HJURP: variants seen among roughly 807,000 people sequenced by gnomAD.
HJURP encodes 14-3-3-associated AKT substrate.
A neutral mutation model predicts 72.0 loss-of-function variants in HJURP; 49 were observed. The observed-to-expected ratio is 0.68, with a 90% CI of 0.54 to 0.86. The LOEUF (loss-of-function observed/expected upper bound fraction) is 0.86, where lower values mean the gene tolerates loss of function less well. HJURP is among the 40% of genes least tolerant of loss of function. The pLI is 0.00. For synonymous variants in HJURP, 357 were observed against 347.1 expected (o/e 1.03, Z -0.32); for missense variants, 908 against 936.3 (o/e 0.97, Z 0.39).
intron 6 of HJURP, among the ~76,000 whole-genome samples, chr2:233,844,773 G>A (rs988394270): frequency 2.0e-5 from 3 of 151,032 alleles, no homozygotes; most frequent in Non-Finnish European, 3.0e-5. Context: ...CAGGCTTTCC[G>A]CTGGTCAGCA....
chr2:233,853,477 G>A (rs1263454739), intron 2 of HJURP, among the ~76,000 whole-genome samples: 1 of 152,144 alleles, frequency 6.6e-6, no homozygotes, highest in African/African-American at 2.4e-5. Context: ...AGTTTCATAG[G>A]GATTGTACGT....
rs764690250 is a variant in HJURP at position 233,840,725 on chromosome 2, T to C, written c.2055A>G (p.Leu685=). 2 of 1,614,088 alleles carry C rather than the reference T, an allele frequency of 1.2e-6. No individual in the cohort carries two copies. Among genetic ancestry groups the C allele is most frequent in the Middle Eastern group, 1.6e-4 (1 of 6,062 alleles). The stretch of plus-strand genomic sequence containing the variant: ...GGCGTCCGGAGCCCTGGGGTTCTGA[T>C]AGCCTGGGTCTTTTTGCAGGGAACT... ...DHQFPAKRPR[L]SEPQGSGRQG... is the part of the protein sequence containing the mutation. Residue 685 remains leucine, a synonymous_variant, in exon 8 of 9, where the codon CTA becomes CTG. Transcript: ENST00000411486.
At position 233,854,301 on chromosome 2, in the gene HJURP, C is replaced by A. The variant is rs960806136; in HGVS notation, c.117+83G>T. 5 of 947,278 alleles carry A rather than the reference C, an allele frequency of 5.3e-6. No homozygotes were observed. The African/African-American group carries it at 6.5e-5, about 12-fold the overall frequency. 58.7% of individuals were successfully genotyped at this position (947,278 alleles called of 1,614,324 possible). A position where few individuals can be genotyped will look rare whatever the true frequency, so the allele number is the denominator to read the frequency against. On this transcript the variant is annotated intron_variant, in intron 1 of 8. Transcript: ENST00000411486. ...ACCCCCGCTCCGAGTCCTCAGAGCC[C>A]CTTCCCTTCCCGTCCTACGTCCCCT...
chr2:233,854,092 A>T (rs917433), intron 1 of HJURP, among the ~76,000 whole-genome samples, 182 bp from the exon 2 acceptor site: 60,765 of 151,236 alleles, frequency 0.4, 14,187 homozygotes, highest in Middle Eastern at 0.52. Flanking sequence ...CCCCAGCCCC[A>T]CCAAACCCTC....
rs1296412651 is a variant in HJURP, at chr2:233,837,399, A to G, written c.*178T>C. The G allele has an allele frequency of 3.6e-6, 2 of 559,344 alleles. No homozygotes were observed. The highest frequency in any genetic ancestry group is 2.0e-5 in the African/African-American group (1 of 51,132). The allele number at this position is 559,344 out of a possible 1,614,324, so 34.6% of individuals were successfully genotyped here. On this transcript the variant is annotated 3_prime_UTR_variant, in exon 9 of 9. Coordinates refer to ENST00000411486, the MANE Select transcript of HJURP (RefSeq NM_018410.5). Reference sequence around the variant, plus strand: ...CTAAAAATTCTAATTGAGCAACTTTATTCACATAATTTCTACACCAAGAAC... The same window carrying G: ...CTAAAAATTCTAATTGAGCAACTTTGTTCACATAATTTCTACACCAAGAAC...
chr2:233,845,823 G>A lies in HJURP; in HGVS notation c.403-3C>T, dbSNP rs1372242662. 2 of 1,600,950 alleles carry A rather than the reference G, an allele frequency of 1.2e-6. No individual in the cohort carries two copies. Among genetic ancestry groups the A allele is most frequent in the Admixed American group, 1.7e-5 (1 of 58,078 alleles). ...AAAGGGCTTTGAGGCACTGCAGGCT[G>A]ATCAAAAAAGAGAAGTCAGAATTTT... is the stretch of plus-strand genomic sequence containing the variant. On this transcript the variant is annotated splice_region_variant and splice_polypyrimidine_tract_variant and intron_variant, in intron 5 of 8. Transcript: ENST00000411486.
intron 1 of HJURP, 73 bp from the exon 2 acceptor site, chr2:233,853,983 C>A: frequency 7.1e-7 from 1 of 1,403,368 alleles, no homozygotes; most frequent in South Asian, 1.2e-5. Flanking sequence ...GGAGGCGGCG[C>A]CAGCCCGTGA....
In HJURP at chr2:233,850,725, G is replaced by T. The variant is rs536128588; in HGVS notation, c.241-866C>A. On this transcript the variant is annotated intron_variant, in intron 3 of 8. Transcript: ENST00000411486. ...CCTTTGCTTCCAGTGAAACCGTCACGTAAGGTGGAGTTTACAGGGTTGTTT... is the reference window on the plus strand; with the variant it reads ...CCTTTGCTTCCAGTGAAACCGTCACTTAAGGTGGAGTTTACAGGGTTGTTT... 7.2e-5 allele frequency among the ~76,000 whole-genome samples: 11 copies of T among 152,282 alleles called. No individual in the cohort carries two copies. In the South Asian group the frequency reaches 2.3e-3, roughly 32 times the overall value.
Position 233,852,553 on chromosome 2 carries a change from G to A in HJURP, c.240+12C>T, listed in dbSNP as rs1463814052. On this transcript the variant is annotated intron_variant, in intron 3 of 8. Coordinates refer to ENST00000411486, the MANE Select transcript of HJURP (RefSeq NM_018410.5). ...GCAAGGTTATTTGGCAATAAAATTT[G>A]ACACTAAATACCTGGATCTCTCCTT... 1 of 1,574,930 alleles carries A rather than the reference G, an allele frequency of 6.3e-7. No individual in the cohort carries two copies.
In HJURP at chr2:233,837,184, G is replaced by C. The variant is rs966544890; in HGVS notation, c.*393C>G. The C allele has an allele frequency of 4.7e-6, 1 of 213,192 alleles. No individual in the cohort carries two copies. Among genetic ancestry groups the C allele is most frequent in the African/African-American group, 2.4e-5 (1 of 41,898 alleles). 13.2% of individuals were successfully genotyped at this position (213,192 alleles called of 1,614,324 possible). ...GCCTGTAATCCCAGCTACTCGGGAG[G>C]CTGAGGCAGAAGAATCGCTTGAACC... is the stretch of plus-strand genomic sequence containing the variant. On this transcript the variant is annotated 3_prime_UTR_variant, in exon 9 of 9. Transcript: ENST00000411486.
At chr2:233,854,042 G>A in intron 1 of HJURP, 132 bp from the exon 2 acceptor site, 2 of 733,064 alleles carry the variant, frequency 2.7e-6, no homozygotes, top group Non-Finnish European at 4.6e-6. Context: ...CTCTGCAGCG[G>A]AGCCCCCAAC....
intron 8 of HJURP, among the ~76,000 whole-genome samples, chr2:233,839,425 G>A (rs1490016675): frequency 6.6e-6 from 1 of 152,250 alleles, no homozygotes; most frequent in East Asian, 1.9e-4. Flanking sequence ...GGAAGGGAAG[G>A]GCTGTCCTAC....
rs201695162 is a variant in HJURP, at chr2:233,842,134, C to T, written c.646G>A (p.Asp216Asn). The change falls in exon 8 of 9, where the codon GAT becomes AAT. Residue 216 changes from aspartate to asparagine, a missense_variant. Coordinates refer to ENST00000411486, the MANE Select transcript of HJURP (RefSeq NM_018410.5). ...AKPASSPREW[D>N]PLHPSSTDMA... ...TCTGTGGAGGAAGGATGCAAAGGAT[C>T]CCATTCTCTGGGAGATGAAGCTGGT... is the stretch of plus-strand genomic sequence containing the variant. 2 of 1,614,024 alleles carry T rather than the reference C, an allele frequency of 1.2e-6. No individual in the cohort carries two copies. The highest frequency in any genetic ancestry group is 4.5e-5 in the East Asian group (2 of 44,890).
At position 233,854,491 on chromosome 2, in the gene HJURP, T is replaced by C. The variant is rs2302154; in HGVS notation, c.10A>G (p.Thr4Ala). The change falls in exon 1 of 9, where the codon ACG (threonine) becomes GCG (alanine). Residue 4 changes from threonine (T) to alanine (A), a missense_variant. Thr to Ala is a moderately conservative substitution (Grantham distance 58). Transcript: ENST00000411486. The stretch of plus-strand genomic sequence containing the variant: ...TCCTCGCCCTCCATGGCGCGCAGCG[T>C]ACCCAGCATCGGACCCAGCCAGTAC... MLG[T>A]LRAMEGEDVE... 95,507 of 1,610,680 alleles carry C rather than the reference T, an allele frequency of 0.059. 3,044 individuals carry two copies. The highest frequency in any genetic ancestry group is 0.064 in the East Asian group (2,843 of 44,588).
chr2:233,852,523 C>T (rs1705518778), intron 3 of HJURP, 42 bp downstream of exon 3: 3 of 1,447,158 alleles, frequency 2.1e-6, no homozygotes, highest in Non-Finnish European at 2.9e-6. Flanking sequence ...GAATACTCCT[C>T]CACAGCAAGG....
chr2:233,842,267 A>T, intron 7 of HJURP, 62 bp from the exon 8 acceptor site: 5 of 1,391,498 alleles, frequency 3.6e-6, no homozygotes, highest in Non-Finnish European at 4.9e-6. Context: ...CCATGTGCAC[A>T]GATGACAGAA....
chr2:233,843,178 T>C (rs915530561), intron 7 of HJURP, among the ~76,000 whole-genome samples: 1 of 152,030 alleles, frequency 6.6e-6, no homozygotes, highest in African/African-American at 2.4e-5. Flanking sequence ...AGCAGAATAA[T>C]GCCAACTGAC....
At chr2:233,845,642 A>C in intron 6 of HJURP, 86 bp downstream of exon 6, 1 of 863,252 alleles carries the variant, frequency 1.2e-6, no homozygotes, top group Non-Finnish European at 1.8e-6. Context: ...TCTGTAGAAA[A>C]AACAAAAAGC....
chr2:233,845,328 T>G (rs1310999103), intron 6 of HJURP, among the ~76,000 whole-genome samples: 2 of 152,190 alleles, frequency 1.3e-5, no homozygotes, highest in East Asian at 3.9e-4. Flanking sequence ...ATTTTTCTAT[T>G]TTTAGTAGAG....
Sources: gnomAD v4.1 joint callset for allele counts (sites outside exome capture counted in the v4.1 genomes callset) on GRCh38, gnomAD v4.1.1 for gene constraint, MANE v1.5 for transcripts, NCBI Gene and HGNC (gene_info 2026-07-23, HGNC 2026-07-21) for gene names.